The following NME7 variants were observed in gnomAD, a reference collection of about 807,000 sequenced individuals.
NME7 encodes the protein NME/NM23 family member 7, also known as nucleoside diphosphate kinase 7.
Under a neutral mutation model 49.1 loss-of-function variants are expected in NME7, and 41 were observed. The ratio of observed to expected loss-of-function variants is 0.83; its 90% CI spans 0.65 to 1.08. NME7 has a LOEUF of 1.08. Ranked by LOEUF, NME7 falls within the 50% of genes least tolerant of loss-of-function variation. The pLI is 0.00. For missense variants in NME7, 423 were observed against 463.4 expected, an observed-to-expected ratio of 0.91 and a Z score of 0.80; for synonymous variants, 139 against 150.6, an observed-to-expected ratio of 0.92 and a Z score of 0.56.
rs1660400202 is a variant in NME7, at chr1:169,197,094, G to C, written c.991-27540C>G. On this transcript the variant is annotated intron_variant, in intron 10 of 11. Transcript: ENST00000367811. ...GTTTTCATGATTCTGTTTTTTCATA[G>C]ATAAAATGGAGTTACAATAATATAA... Among the ~76,000 whole-genome samples the C allele has an allele frequency of 2.6e-5, 4 of 152,114 alleles. No individual in the cohort carries two copies. In the South Asian group the frequency reaches 8.3e-4, roughly 32 times the overall value.
At chr1:169,239,600 T>C (rs1269322869) in intron 7 of NME7, among the ~76,000 whole-genome samples, 3 of 152,002 alleles carry the variant, frequency 2.0e-5, no homozygotes, top group African/African-American at 7.2e-5. Flanking sequence ...GCATATCCAA[T>C]GGCTGAATGA....
chr1:169,322,134 A>C (rs1275143999), intron 3 of NME7: 1 of 152,234 alleles, frequency 6.6e-6, no homozygotes, highest in Non-Finnish European at 1.5e-5. Context: ...GGAAAACATC[A>C]AAAATCCTTG....
At chr1:169,135,014 C>CAAAAAA (rs58463903) in intron 11 of NME7, among the ~76,000 whole-genome samples, 8,503 of 49,952 alleles carry the variant, frequency 0.17, 1,925 homozygotes, top group East Asian at 0.44. Context: ...CCCGTCTCTA[C>CAAAAAA]AAAAAAAAAA....
At chr1:169,328,616 T>G (rs1652149627) in intron 1 of NME7, among the ~76,000 whole-genome samples, 1 of 152,162 alleles carries the variant, frequency 6.6e-6, no homozygotes, top group South Asian at 2.1e-4. Flanking sequence ...AAAATTATAT[T>G]TATAAATGAA....
At chr1:169,331,648 C>A (rs1652260629) in intron 1 of NME7, among the ~76,000 whole-genome samples, 1 of 152,114 alleles carries the variant, frequency 6.6e-6, no homozygotes. Flanking sequence ...ATACAAATAT[C>A]AGTGGTATTT....
intron 7 of NME7, among the ~76,000 whole-genome samples, chr1:169,240,681 C>T (rs1648052188): frequency 6.6e-6 from 1 of 151,896 alleles, no homozygotes; most frequent in East Asian, 1.9e-4. Context: ...TACCAGCTCA[C>T]TGAGTTATGC....
rs1252009079 is a variant in NME7, at chr1:169,168,812, CATT to C, written c.1098+632_1098+634del. 1.5e-5 allele frequency: 7 copies of C among 454,218 alleles called. No homozygotes were observed. The Admixed American group carries it at 1.7e-4, about 11-fold the overall frequency. The allele number at this position is 454,218 out of a possible 1,614,324, so 28.1% of individuals were successfully genotyped here. The stretch of plus-strand genomic sequence containing the variant: ...ATATATGTTATGCACTCATAATACA[CATT>C]TTTTTCTATTTTTTTGATATTTCTA... On this transcript the variant is annotated intron_variant, in intron 11 of 11. Coordinates refer to ENST00000367811, the MANE Select transcript of NME7 (RefSeq NM_013330.5).
At position 169,262,176 on chromosome 1, in the gene NME7, C is replaced by T. The variant is rs181687840; in HGVS notation, c.755-24489G>A. 7.5e-5 allele frequency among the ~76,000 whole-genome samples: 10 copies of T among 133,638 alleles called. 3 individuals are homozygous for T. The highest frequency in any genetic ancestry group is 2.0e-4 in the East Asian group (1 of 4,996). 87.7% of individuals were successfully genotyped at this position (133,638 alleles called of 152,430 possible). On this transcript the variant is annotated intron_variant, in intron 7 of 11. Transcript: ENST00000367811. ...TTACTCTTAGAAGCCAGAAACCATC[C>T]GGTAAAGAAGCTCAGGCTATACTAC...
intron 1 of NME7, among the ~76,000 whole-genome samples, chr1:169,348,364 CAAA>C (rs35999944): frequency 2.4e-5 from 3 of 127,492 alleles, no homozygotes; most frequent in African/African-American, 5.8e-5. Flanking sequence ...CAAAAAAAAG[CAAA>C]AAAAAAAAAA....
At chr1:169,317,961 G>A (rs1226421353) in intron 3 of NME7, among the ~76,000 whole-genome samples, 1 of 152,168 alleles carries the variant, frequency 6.6e-6, no homozygotes, top group Non-Finnish European at 1.5e-5. Context: ...TCAAGTAGGG[G>A]ATAGTGTACA....
intron 1 of NME7, among the ~76,000 whole-genome samples, chr1:169,354,743 G>T (rs1235772699): frequency 7.1e-6 from 1 of 140,692 alleles, no homozygotes; most frequent in Admixed American, 7.6e-5. Context: ...CACACACCTA[G>T]TATACTATGG....
intron 7 of NME7, among the ~76,000 whole-genome samples, chr1:169,281,610 A>G (rs1339371572): frequency 6.6e-6 from 1 of 152,096 alleles, no homozygotes; most frequent in African/African-American, 2.4e-5. Flanking sequence ...CGCTCTTATT[A>G]TTTTGAGATA....
chr1:169,151,999 G>T (rs148651871), intron 11 of NME7, among the ~76,000 whole-genome samples: 209 of 152,194 alleles, frequency 1.4e-3, no homozygotes, highest in Non-Finnish European at 2.4e-3. Flanking sequence ...GAAATGAAAA[G>T]AAAATCCAGA....
intron 7 of NME7, among the ~76,000 whole-genome samples, chr1:169,245,564 G>A (rs535769914): frequency 2.2e-4 from 33 of 152,138 alleles, no homozygotes; most frequent in African/African-American, 6.8e-4. Flanking sequence ...AGTTTTAATC[G>A]TGATGTAGCC....
At chr1:169,309,103 AAAGAC>A (rs1193773107) in intron 4 of NME7, among the ~76,000 whole-genome samples, 2 of 152,194 alleles carry the variant, frequency 1.3e-5, no homozygotes, top group Non-Finnish European at 2.9e-5. Flanking sequence ...TGGGGTTTTG[AAAGAC>A]AATAATAATT....
At chr1:169,157,580 A>C (rs1659115308) in intron 11 of NME7, among the ~76,000 whole-genome samples, 1 of 152,210 alleles carries the variant, frequency 6.6e-6, no homozygotes, top group African/African-American at 2.4e-5. Flanking sequence ...CCCCCAAAAA[A>C]TCTGGGTAAT....
intron 1 of NME7, among the ~76,000 whole-genome samples, chr1:169,336,209 G>A (rs906061667): frequency 3.9e-5 from 6 of 152,090 alleles, no homozygotes; most frequent in Non-Finnish European, 4.4e-5. Flanking sequence ...GCTGGGCTCA[G>A]GAGTGAAGCT....
intron 1 of NME7, among the ~76,000 whole-genome samples, chr1:169,365,604 G>A (rs1172561121): frequency 1.3e-5 from 2 of 152,134 alleles, no homozygotes; most frequent in African/African-American, 2.4e-5. Flanking sequence ...AAGCTAGACA[G>A]AAAAGTGCTT....
intron 10 of NME7, among the ~76,000 whole-genome samples, chr1:169,182,191 A>C (rs1031280936): frequency 1.4e-5 from 2 of 145,252 alleles, no homozygotes; most frequent in African/African-American, 5.1e-5. Context: ...AAAAAAAAAC[A>C]ACTCTGTAGA....
Sources: gnomAD v4.1 joint callset for allele counts (sites outside exome capture counted in the v4.1 genomes callset) on GRCh38, gnomAD v4.1.1 for gene constraint, MANE v1.5 for transcripts, NCBI Gene and HGNC (gene_info 2026-07-23, HGNC 2026-07-21) for gene names.